The following EFHB variants were observed in gnomAD, a reference collection of about 807,000 sequenced individuals.
EFHB encodes EF-hand domain-containing family member B.
EFHB carries 91 observed loss-of-function variants against 87.2 expected under a neutral mutation model. The ratio of observed to expected loss-of-function variants is 1.04; its 90% confidence interval spans 0.88 to 1.24. The LOEUF (loss-of-function observed/expected upper bound fraction) is 1.24. EFHB is among the 50% of genes most tolerant of loss of function. EFHB has a pLI of 0.00. For synonymous variants in EFHB, 325 were observed against 333.6 expected (o/e 0.97, Z 0.28); for missense variants, 1,084 against 998.8 (o/e 1.09, Z -1.15).
In EFHB at chr3:19,888,658, T is replaced by C. The variant is rs1694194866; in HGVS notation, c.1726-7A>G. Reference sequence around the variant, plus strand: ...CTATCATCCCATCTCCCTTCTGTTATACAGGAAGCAAAAGAACATAAAATG... The same window carrying C: ...CTATCATCCCATCTCCCTTCTGTTACACAGGAAGCAAAAGAACATAAAATG... On this transcript the variant is annotated splice_region_variant and splice_polypyrimidine_tract_variant and intron_variant, in intron 9 of 12. Coordinates refer to ENST00000295824, the MANE Select transcript of EFHB (RefSeq NM_144715.4). 6.3e-7 allele frequency: 1 copy of C among 1,597,602 alleles called. No individual in the cohort carries two copies. The highest frequency in any genetic ancestry group is 1.7e-5 in the Admixed American group (1 of 57,820).
At chr3:19,915,525 T>C (rs984591569) in intron 4 of EFHB, 112 bp from the exon 5 acceptor site, 13 of 665,668 alleles carry the variant, frequency 2.0e-5, no homozygotes, top group Middle Eastern at 4.2e-4. Flanking sequence ...CAAGGCTACA[T>C]AGACATCCCG....
chr3:19,884,279 G>T, intron 11 of EFHB, 124 bp downstream of exon 11: 2 of 902,304 alleles, frequency 2.2e-6, no homozygotes, highest in South Asian at 1.8e-5. Context: ...GTTAGAATAT[G>T]AATTAAATGC....
At chr3:19,906,725 T>C (rs911785825) in intron 5 of EFHB, among the ~76,000 whole-genome samples, 12 of 151,676 alleles carry the variant, frequency 7.9e-5, no homozygotes, top group Non-Finnish European at 1.6e-4. Flanking sequence ...AAAATTTATA[T>C]AGAACCACAA....
chr3:19,887,673 AT>A (rs1407000985), intron 10 of EFHB, among the ~76,000 whole-genome samples: 1 of 152,182 alleles, frequency 6.6e-6, no homozygotes, highest in African/African-American at 2.4e-5. Flanking sequence ...TCGCAAAAAA[AT>A]CTCATAGCGT....
chr3:19,916,107 T>C (rs563435876), intron 4 of EFHB, among the ~76,000 whole-genome samples: 2 of 152,346 alleles, frequency 1.3e-5, no homozygotes, highest in African/African-American at 2.4e-5. Flanking sequence ...CTCAAGATGA[T>C]CTAAACAAAT....
intron 2 of EFHB, 105 bp from the exon 3 acceptor site, chr3:19,920,081 T>G: frequency 8.3e-7 from 1 of 1,197,988 alleles, no homozygotes. Context: ...ATGTATGTAG[T>G]AAATGCATTT....
intron 1 of EFHB, among the ~76,000 whole-genome samples, chr3:19,927,284 C>G (rs1695664538): frequency 6.6e-6 from 1 of 152,186 alleles, no homozygotes. Context: ...TGATCTCTGA[C>G]AGTGTTTTTC....
At chr3:19,932,985 A>C (rs1347331016) in intron 1 of EFHB, among the ~76,000 whole-genome samples, 2 of 152,210 alleles carry the variant, frequency 1.3e-5, no homozygotes, top group Non-Finnish European at 2.9e-5. Context: ...GTTAAAGGAG[A>C]AAAGAGAAAT....
At chr3:19,887,418 G>C (rs570207941) in intron 10 of EFHB, among the ~76,000 whole-genome samples, 1 of 148,410 alleles carries the variant, frequency 6.7e-6, no homozygotes, top group African/African-American at 2.5e-5. Context: ...AGAGAAATGC[G>C]AAAGTTAAAT....
At chr3:19,893,756 C>A (rs1401760297) in intron 9 of EFHB, among the ~76,000 whole-genome samples, 5 of 152,142 alleles carry the variant, frequency 3.3e-5, no homozygotes, top group Non-Finnish European at 7.4e-5. Context: ...CTTCCCCAGC[C>A]CCATTTGCAG....
At chr3:19,882,230 A>G (rs59019180) in intron 12 of EFHB, among the ~76,000 whole-genome samples, 5,019 of 152,258 alleles carry the variant, frequency 0.033, 276 homozygotes, top group African/African-American at 0.11. Context: ...CAAGGCCATC[A>G]GGATGCTTAC....
At chr3:19,925,627 C>T (rs1199738760) in intron 1 of EFHB, among the ~76,000 whole-genome samples, 2 of 152,140 alleles carry the variant, frequency 1.3e-5, no homozygotes, top group African/African-American at 4.8e-5. Flanking sequence ...CTAACAACAC[C>T]GGAGACACCT....
intron 10 of EFHB, among the ~76,000 whole-genome samples, 184 bp downstream of exon 10, chr3:19,888,260 C>G (rs1272217121): frequency 6.6e-6 from 1 of 151,942 alleles, no homozygotes; most frequent in Non-Finnish European, 1.5e-5. Flanking sequence ...AGCATGCTGG[C>G]TCACACCAAT....
chr3:19,882,455 CT>C, intron 12 of EFHB, 94 bp downstream of exon 12: 1 of 1,216,206 alleles, frequency 8.2e-7, no homozygotes, highest in East Asian at 2.6e-5. Context: ...ATCCTGTAGA[CT>C]TTTGTAAATA....
At chr3:19,926,297 C>T (rs1695619947) in intron 1 of EFHB, among the ~76,000 whole-genome samples, 2 of 151,830 alleles carry the variant, frequency 1.3e-5, no homozygotes, top group Non-Finnish European at 2.9e-5. Context: ...CTATGTGGCC[C>T]CAGCGTTTAT....
intron 11 of EFHB, among the ~76,000 whole-genome samples, chr3:19,883,915 C>T (rs2071744985): frequency 6.6e-6 from 1 of 152,174 alleles, no homozygotes; most frequent in Admixed American, 6.5e-5. Context: ...ACACCTTGCA[C>T]GTCAAGCCTC....
chr3:19,899,118 G>C (rs908137081), intron 7 of EFHB, among the ~76,000 whole-genome samples: 1 of 152,102 alleles, frequency 6.6e-6, no homozygotes, highest in African/African-American at 2.4e-5. Flanking sequence ...AGTATAAATA[G>C]AGAGCAAGAC....
At position 19,933,716 on chromosome 3, in the gene EFHB, T is replaced by G; in HGVS notation, c.303A>C (p.Lys101Asn). The G allele has an allele frequency of 6.2e-7, 1 of 1,613,868 alleles. No homozygotes were observed. Residue 101 changes from lysine to asparagine, a missense_variant, in exon 1 of 13, where the codon AAA becomes AAC. Physicochemically the swap from Lys to Asn is moderately conservative, Grantham distance 94 (BLOSUM62 0). Transcript: ENST00000295824. ...VDSVSASQGTKPSLLPGRMGL... is the reference protein window; with the variant it reads ...VDSVSASQGTNPSLLPGRMGL... ...CCATTCTTCCTGGCAACAGAGAAGG[T>G]TTTGTTCCCTGTGAAGCTGAGACAC...
chr3:19,924,701 TG>T (rs1695557607), intron 1 of EFHB, among the ~76,000 whole-genome samples: 1 of 152,210 alleles, frequency 6.6e-6, no homozygotes, highest in Admixed American at 6.5e-5. Context: ...CTCATTTTTT[TG>T]CTCATGAGGA....
Sources: gnomAD v4.1 joint callset for allele counts (sites outside exome capture counted in the v4.1 genomes callset) on GRCh38, gnomAD v4.1.1 for gene constraint, MANE v1.5 for transcripts, NCBI Gene and HGNC (gene_info 2026-07-23, HGNC 2026-07-21) for gene names.